ABI2: variants seen among roughly 807,000 people sequenced by gnomAD.
The protein encoded by ABI2 is abl interactor 2.
A neutral mutation model predicts 59.2 loss-of-function variants in ABI2; 25 were observed. The observed-to-expected ratio is 0.42, with a 90% CI of 0.31 to 0.59. The LOEUF (loss-of-function observed/expected upper bound fraction) is 0.59, where lower values mean the gene tolerates loss of function less well. Ranked by LOEUF, ABI2 falls within the 20% of genes least tolerant of loss-of-function variation. The pLI is 0.14. For missense variants in ABI2, 545 were observed against 681.8 expected (o/e 0.80, Z 2.23); for synonymous variants, 213 against 235.5 (o/e 0.90, Z 0.87).
chr2:203,366,406 A>AT (rs1415806991), intron 1 of ABI2, among the ~76,000 whole-genome samples: 4 of 151,486 alleles, frequency 2.6e-5, no homozygotes, highest in Admixed American at 6.6e-5. Context: ...TTTTCTTAAA[A>AT]TTTTTTTTTC....
At chr2:203,352,569 GAAA>G (rs141657311) in intron 1 of ABI2, among the ~76,000 whole-genome samples, 1 of 144,170 alleles carries the variant, frequency 6.9e-6, no homozygotes, top group South Asian at 2.2e-4. Context: ...AAAAGTTAAA[GAAA>G]AAAAAAATAG....
intron 9 of ABI2, among the ~76,000 whole-genome samples, chr2:203,404,002 C>G (rs916034332): frequency 2.6e-5 from 4 of 152,050 alleles, no homozygotes; most frequent in Non-Finnish European, 5.9e-5. Context: ...ATTCACCCAC[C>G]TCAGCCTCCC....
intron 5 of ABI2, among the ~76,000 whole-genome samples, chr2:203,393,378 G>A (rs1292559000): frequency 6.6e-6 from 1 of 152,154 alleles, no homozygotes; most frequent in Non-Finnish European, 1.5e-5. Context: ...TTTATTGCCT[G>A]GGAAAAATTG....
intron 2 of ABI2, among the ~76,000 whole-genome samples, chr2:203,369,197 A>G (rs953867716): frequency 1.3e-5 from 2 of 151,974 alleles, no homozygotes; most frequent in Admixed American, 6.6e-5. Flanking sequence ...TAGAATTTCA[A>G]GATCTATTCT....
chr2:203,379,231 T>TA (rs1008002615), intron 2 of ABI2, among the ~76,000 whole-genome samples: 8 of 152,192 alleles, frequency 5.3e-5, no homozygotes, highest in African/African-American at 1.9e-4. Flanking sequence ...AGCAACTTGG[T>TA]CTTTTGGGGT....
Position 203,391,109 on chromosome 2 carries a change from C to G in ABI2, c.544C>G (p.Pro182Ala), listed in dbSNP as rs1189104776. ...PRTTPPTQKP[P>A]SPPMSGKGTL... is the part of the protein sequence containing the mutation. Reference sequence around the variant, plus strand: ...TACAACACCTCCAACTCAGAAGCCCCCTAGTCCCCCTATGTCAGGGAAAGG... The same window carrying G: ...TACAACACCTCCAACTCAGAAGCCCGCTAGTCCCCCTATGTCAGGGAAAGG... The change falls in exon 5 of 12, where the codon CCT becomes GCT. Residue 182 changes from proline to alanine, a missense_variant. Physicochemically the swap from Pro to Ala is conservative, Grantham distance 27. Transcript: ENST00000261018. The G allele has an allele frequency of 1.2e-6, 2 of 1,613,596 alleles. No homozygotes were observed. Among genetic ancestry groups the G allele is most frequent in the Non-Finnish European group, 1.7e-6 (2 of 1,179,852 alleles).
At chr2:203,390,645 G>C (rs920839483) in intron 4 of ABI2, among the ~76,000 whole-genome samples, 6 of 151,258 alleles carry the variant, frequency 4.0e-5, no homozygotes, top group Non-Finnish European at 7.4e-5. Flanking sequence ...AAAAAAAAAA[G>C]AAAGTTATCT....
At chr2:203,339,834 A>C (rs1446121365) in intron 1 of ABI2, among the ~76,000 whole-genome samples, 1 of 152,194 alleles carries the variant, frequency 6.6e-6, no homozygotes, top group African/African-American at 2.4e-5. Flanking sequence ...TTCAGTCTAC[A>C]TGGGGCATTG....
At chr2:203,359,252 T>G (rs2092965756) in intron 1 of ABI2, among the ~76,000 whole-genome samples, 1 of 152,196 alleles carries the variant, frequency 6.6e-6, no homozygotes, top group African/African-American at 2.4e-5. Flanking sequence ...TAACCAGTCT[T>G]TTTATATATG....
At position 203,394,860 on chromosome 2, in the gene ABI2, C is replaced by T. The variant is rs758995568; in HGVS notation, c.725+14C>T. On this transcript the variant is annotated intron_variant, in intron 6 of 11. Transcript: ENST00000261018. ...TCGAACTTACAGGTATTTTCTCTAC[C>T]TCAGTGCAAAATGTGATGGTCATAG... 7 of 1,613,308 alleles carry T rather than the reference C, an allele frequency of 4.3e-6. No homozygotes were observed. In the African/African-American group the frequency reaches 9.3e-5, roughly 22 times the overall value.
At chr2:203,370,193 TC>T (rs2094999160) in intron 2 of ABI2, among the ~76,000 whole-genome samples, 1 of 60,062 alleles carries the variant, frequency 1.7e-5, no homozygotes, top group Non-Finnish European at 3.8e-5. Flanking sequence ...CTATTCTCTC[TC>T]TCTCTCTCTC....
intron 1 of ABI2, among the ~76,000 whole-genome samples, chr2:203,353,177 T>TA (rs1399783630): frequency 6.6e-6 from 1 of 152,262 alleles, no homozygotes; most frequent in African/African-American, 2.4e-5. Context: ...CTTTTTCTGT[T>TA]GTGAATGGAA....
intron 9 of ABI2, among the ~76,000 whole-genome samples, chr2:203,409,130 GC>G (rs2097555418): frequency 6.6e-6 from 1 of 151,972 alleles, no homozygotes; most frequent in South Asian, 2.1e-4. Flanking sequence ...GAGCCACCGC[GC>G]CCGGCCCAAC....
At chr2:203,361,341 AG>A (rs575060559) in intron 1 of ABI2, among the ~76,000 whole-genome samples, 105 of 152,284 alleles carry the variant, frequency 6.9e-4, no homozygotes, top group African/African-American at 2.4e-3. Context: ...ATGCTGAACA[AG>A]AAAATGTTTG....
chr2:203,421,352 CA>C (rs1292396510), intron 11 of ABI2, among the ~76,000 whole-genome samples: 1 of 152,060 alleles, frequency 6.6e-6, no homozygotes, highest in East Asian at 1.9e-4. Flanking sequence ...AGTTATTTGC[CA>C]AAAATCAAAT....
chr2:203,353,931 T>A (rs1455371180), intron 1 of ABI2, among the ~76,000 whole-genome samples: 2 of 152,248 alleles, frequency 1.3e-5, no homozygotes, highest in African/African-American at 4.8e-5. Flanking sequence ...TTCTTATATT[T>A]CTTCCTATCT....
intron 10 of ABI2, among the ~76,000 whole-genome samples, chr2:203,411,959 A>G (rs2097693333): frequency 6.6e-6 from 1 of 152,228 alleles, no homozygotes; most frequent in Admixed American, 6.5e-5. Flanking sequence ...TCAGTGAGGA[A>G]TTGCTGTCAC....
intron 10 of ABI2, 81 bp downstream of exon 10, chr2:203,411,452 T>C: frequency 9.4e-7 from 1 of 1,065,796 alleles, no homozygotes; most frequent in Non-Finnish European, 1.4e-6. Context: ...GGATAGTCAT[T>C]CATTTGCTGA....
intron 11 of ABI2, among the ~76,000 whole-genome samples, chr2:203,424,042 A>G (rs149225356): frequency 2.6e-5 from 4 of 152,308 alleles, no homozygotes; most frequent in Non-Finnish European, 1.5e-5. Context: ...TTTTTCTTAC[A>G]TGTGCTTTAT....
Sources: gnomAD v4.1 joint callset for allele counts (sites outside exome capture counted in the v4.1 genomes callset) on GRCh38, gnomAD v4.1.1 for gene constraint, MANE v1.5 for transcripts, NCBI Gene and HGNC (gene_info 2026-07-23, HGNC 2026-07-21) for gene names.